Variants in STARD13 observed in about 807,000 individuals in gnomAD.
STARD13 encodes the protein StAR related lipid transfer domain containing 13.
In STARD13, 62 loss-of-function variants were observed where a neutral mutation model predicts 106.4. The ratio of observed to expected loss-of-function variants is 0.58; its 90% CI spans 0.48 to 0.72. The LOEUF (loss-of-function observed/expected upper bound fraction) is 0.72. Ranked by LOEUF, STARD13 falls within the 30% of genes least tolerant of loss-of-function variation. STARD13 has a pLI of 0.00. For synonymous variants in STARD13, 565 were observed against 553.0 expected, an observed-to-expected ratio of 1.02 and a Z score of -0.31; for missense variants, 1,387 against 1,424.0, an observed-to-expected ratio of 0.97 and a Z score of 0.42.
chr13:33,569,374 CA>C, the STARD13 span, among the ~76,000 whole-genome samples: 2 of 147,500 alleles, frequency 1.4e-5, no homozygotes, highest in African/African-American at 5.0e-5. Context: ...TGTAAATTAA[CA>C]AGAAAAACTC....
the STARD13 span, among the ~76,000 whole-genome samples, chr13:33,583,412 A>G: frequency 2.0e-5 from 3 of 152,130 alleles, no homozygotes; most frequent in African/African-American, 7.2e-5. Context: ...TATGCCTATC[A>G]TTTCCCACTT....
At chr13:33,113,375 G>A (rs996200528) in intron 8 of STARD13, among the ~76,000 whole-genome samples, 1 of 152,136 alleles carries the variant, frequency 6.6e-6, no homozygotes, top group Admixed American at 6.5e-5. Flanking sequence ...GACATGGTTT[G>A]AAAACCACTG....
chr13:33,349,724 C>T (rs1324027954), intron 1 of STARD13, among the ~76,000 whole-genome samples: 1 of 152,214 alleles, frequency 6.6e-6, no homozygotes, highest in Non-Finnish European at 1.5e-5. Flanking sequence ...GCAGGGCCTG[C>T]GGACAGCCAG....
chr13:33,613,709 C>A, the STARD13 span, among the ~76,000 whole-genome samples: 4 of 152,196 alleles, frequency 2.6e-5, no homozygotes, highest in Non-Finnish European at 5.9e-5. Context: ...CCTGACAGGA[C>A]AGGCTTTGAG....
At chr13:33,452,105 G>A in the STARD13 span, among the ~76,000 whole-genome samples, 2 of 152,152 alleles carry the variant, frequency 1.3e-5, no homozygotes, top group African/African-American at 4.8e-5. Context: ...AGTATGTTCA[G>A]GGCCTAAGGA....
At chr13:33,233,528 T>C (rs1361033780) in intron 1 of STARD13, among the ~76,000 whole-genome samples, 5 of 152,158 alleles carry the variant, frequency 3.3e-5, no homozygotes, top group South Asian at 4.1e-4. Flanking sequence ...TTTCAGCCCT[T>C]AATAAAAATT....
At chr13:33,656,739 T>A in the STARD13 span, 2 of 152,194 alleles carry the variant, frequency 1.3e-5, no homozygotes, top group Non-Finnish European at 2.9e-5. Flanking sequence ...TCCCAAGGGG[T>A]GAACTTCTAA....
At chr13:33,295,821 A>G (rs1892468685) in intron 1 of STARD13, among the ~76,000 whole-genome samples, 1 of 152,188 alleles carries the variant, frequency 6.6e-6, no homozygotes, top group African/African-American at 2.4e-5. Context: ...TAGGAAGACT[A>G]TATGGGGGAA....
intron 7 of STARD13, among the ~76,000 whole-genome samples, chr13:33,121,799 C>T (rs1876360164): frequency 6.6e-6 from 1 of 151,416 alleles, no homozygotes; most frequent in African/African-American, 2.4e-5. Flanking sequence ...TCTGCCACAG[C>T]CTCCCAAGTA....
the STARD13 span, among the ~76,000 whole-genome samples, chr13:33,558,035 ACC>A: frequency 1.3e-5 from 2 of 152,246 alleles, no homozygotes; most frequent in Admixed American, 1.3e-4. Context: ...GAAAATAAAA[ACC>A]ATTTAAGATT....
chr13:33,624,492 C>T, the STARD13 span, among the ~76,000 whole-genome samples: 2 of 152,222 alleles, frequency 1.3e-5, no homozygotes, highest in Non-Finnish European at 2.9e-5. Context: ...TTGTTTACTT[C>T]CCCATCTCCT....
chr13:33,135,629 G>A (rs555247676), intron 4 of STARD13, among the ~76,000 whole-genome samples: 1 of 152,306 alleles, frequency 6.6e-6, no homozygotes, highest in South Asian at 2.1e-4. Context: ...TGAATAAAAG[G>A]TGAATGGAAT....
chr13:33,211,140 C>G (rs1160411279), intron 1 of STARD13, among the ~76,000 whole-genome samples: 1 of 151,376 alleles, frequency 6.6e-6, no homozygotes, highest in Non-Finnish European at 1.5e-5. Flanking sequence ...CAAAGAATAT[C>G]TAACACACTC....
At chr13:33,135,497 A>C (rs1026276877) in intron 4 of STARD13, among the ~76,000 whole-genome samples, 2 of 152,254 alleles carry the variant, frequency 1.3e-5, no homozygotes, top group African/African-American at 4.8e-5. Flanking sequence ...ACCAAAGTGT[A>C]TAATGTACAG....
chr13:33,615,125 T>C, the STARD13 span, among the ~76,000 whole-genome samples: 1 of 152,144 alleles, frequency 6.6e-6, no homozygotes, highest in Admixed American at 6.5e-5. Flanking sequence ...TCAACAGAAC[T>C]TACTAATGAA....
At chr13:33,657,312 T>A in the STARD13 span, 1 of 152,250 alleles carries the variant, frequency 6.6e-6, no homozygotes, top group South Asian at 2.1e-4. Context: ...ATTCCACCGT[T>A]TGTCCCCCAA....
chr13:33,175,658 C>T (rs1465159156), intron 1 of STARD13, among the ~76,000 whole-genome samples: 1 of 152,202 alleles, frequency 6.6e-6, no homozygotes, highest in Non-Finnish European at 1.5e-5. Flanking sequence ...GGTACTCACT[C>T]TGTGTCATGC....
At chr13:33,121,249 T>C (rs980901385) in intron 7 of STARD13, among the ~76,000 whole-genome samples, 3 of 151,998 alleles carry the variant, frequency 2.0e-5, no homozygotes, top group Non-Finnish European at 2.9e-5. Context: ...CGGCAACGAG[T>C]GGTTTCCAAT....
At chr13:33,249,116 G>A (rs1889972174) in intron 1 of STARD13, among the ~76,000 whole-genome samples, 2 of 152,144 alleles carry the variant, frequency 1.3e-5, no homozygotes, top group Admixed American at 1.3e-4. Context: ...ATGACTGCTA[G>A]CTTTATACAT....
Sources: gnomAD v4.1 joint callset for allele counts (sites outside exome capture counted in the v4.1 genomes callset) on GRCh38, gnomAD v4.1.1 for gene constraint, MANE v1.5 for transcripts, NCBI Gene and HGNC (gene_info 2026-07-23, HGNC 2026-07-21) for gene names.